Variants in WDPCP observed in about 807,000 individuals in gnomAD.
WDPCP encodes WD repeat-containing and planar cell polarity effector protein fritz homolog.
In WDPCP, 71 loss-of-function variants were observed where a neutral mutation model predicts 93.1. The ratio of observed to expected loss-of-function variants is 0.76; its 90% CI spans 0.63 to 0.93. The LOEUF (loss-of-function observed/expected upper bound fraction) is 0.93. WDPCP is among the 40% of genes least tolerant of loss of function. The pLI is 0.00. For synonymous variants in WDPCP, 315 were observed against 315.0 expected, an observed-to-expected ratio of 1.00 and a Z score of 0.00; for missense variants, 844 against 887.4, an observed-to-expected ratio of 0.95 and a Z score of 0.62.
intron 10 of WDPCP, among the ~76,000 whole-genome samples, chr2:63,399,664 A>G (rs114219206): frequency 0.011 from 1,740 of 152,010 alleles, 43 homozygotes; most frequent in African/African-American, 0.04. Flanking sequence ...GAGTGCATGC[A>G]TGTGTGTGTG....
At chr2:63,256,571 G>C (rs1681168582) in intron 14 of WDPCP, among the ~76,000 whole-genome samples, 1 of 141,676 alleles carries the variant, frequency 7.1e-6, no homozygotes, top group African/African-American at 2.8e-5. Context: ...TACGTCACAG[G>C]AGTTCAACTT....
chr2:63,572,701 CAAAAAAAAAA>C lies in WDPCP; in HGVS notation c.75+15486_75+15495del, dbSNP rs533331577. On this transcript the variant is annotated intron_variant, in intron 1 of 17. Coordinates refer to ENST00000272321, the MANE Select transcript of WDPCP (RefSeq NM_015910.7). ...TGGGTGACAGAGTGAGACTCTGTCT[CAAAAAAAAAA>C]AAAAAAAAAAAAAAAGTTGGACAGC... Among the ~76,000 whole-genome samples, 12 of 24,780 alleles carry C rather than the reference CAAAAAAAAAA, an allele frequency of 4.8e-4. No homozygotes were observed. The East Asian group carries it at 0.025, about 51-fold the overall frequency. 16.3% of individuals were successfully genotyped at this position (24,780 alleles called of 152,430 possible).
At chr2:63,763,239 C>T (rs1332142657) in intron 2 of WDPCP, among the ~76,000 whole-genome samples, 4 of 152,120 alleles carry the variant, frequency 2.6e-5, no homozygotes, top group African/African-American at 7.2e-5. Context: ...CACGGTGGCT[C>T]ATGCCTGTGA....
intron 8 of WDPCP, among the ~76,000 whole-genome samples, chr2:63,436,907 T>G (rs1038053027): frequency 7.2e-5 from 11 of 152,112 alleles, no homozygotes; most frequent in African/African-American, 1.2e-4. Flanking sequence ...GGTGAGATAC[T>G]AACACATGAA....
intron 3 of WDPCP, among the ~76,000 whole-genome samples, chr2:63,602,934 C>CTTTTGTTTTTTTTTTT (rs1709452776): frequency 2.3e-5 from 3 of 131,538 alleles, no homozygotes; most frequent in Non-Finnish European, 5.0e-5. Context: ...TTTAACCGTT[C>CTTTTGTTTTTTTTTTT]TTTTTTTTTT....
chr2:63,329,329 C>T (rs1191989255), intron 12 of WDPCP, among the ~76,000 whole-genome samples: 1 of 152,058 alleles, frequency 6.6e-6, no homozygotes, highest in East Asian at 1.9e-4. Flanking sequence ...AAAATGTGCT[C>T]CGGGTTCATC....
At chr2:63,258,336 A>G (rs1182370523) in intron 14 of WDPCP, among the ~76,000 whole-genome samples, 1 of 152,192 alleles carries the variant, frequency 6.6e-6, no homozygotes, top group Non-Finnish European at 1.5e-5. Context: ...TTATCTTGCT[A>G]GTACCTGTCA....
At chr2:63,702,950 CTA>C (rs1669085150) in intron 2 of WDPCP, among the ~76,000 whole-genome samples, 1 of 151,896 alleles carries the variant, frequency 6.6e-6, no homozygotes, top group Non-Finnish European at 1.5e-5. Flanking sequence ...CAATTCCCAC[CTA>C]TGAGTGAGAA....
At chr2:63,534,907 GA>G (rs968502563) in intron 1 of WDPCP, among the ~76,000 whole-genome samples, 1 of 152,194 alleles carries the variant, frequency 6.6e-6, no homozygotes, top group African/African-American at 2.4e-5. Flanking sequence ...ATTAGGAAAA[GA>G]GGAAGTCAAA....
chr2:63,254,362 C>T (rs916820516), intron 14 of WDPCP, among the ~76,000 whole-genome samples: 2 of 151,878 alleles, frequency 1.3e-5, no homozygotes, highest in African/African-American at 2.4e-5. Flanking sequence ...CACATATGCC[C>T]CCTGAAGCTA....
chr2:63,384,496 T>TAC (rs142552656), intron 10 of WDPCP, among the ~76,000 whole-genome samples: 18 of 151,146 alleles, frequency 1.2e-4, no homozygotes, highest in Non-Finnish European at 2.1e-4. Flanking sequence ...CCTTTACACA[T>TAC]ACACACACAC....
chr2:63,540,534 T>G (rs1436570415), intron 1 of WDPCP, among the ~76,000 whole-genome samples: 1 of 152,168 alleles, frequency 6.6e-6, no homozygotes, highest in Non-Finnish European at 1.5e-5. Context: ...CCTCTAAACC[T>G]TAAGACATAA....
At position 63,132,902 on chromosome 2, in the gene WDPCP, G is replaced by A. The variant is rs1029523253; in HGVS notation, c.2191-10846C>T. Among the ~76,000 whole-genome samples, 24 of 152,106 alleles carry A rather than the reference G, an allele frequency of 1.6e-4. 1 individual carries two copies. Among genetic ancestry groups the A allele is most frequent in the Middle Eastern group, 3.4e-3 (1 of 294 alleles). ...TTATTATTGAATGGTCCATGTTTCC[G>A]TTTCTTTTTATGCATTGTGATTTTG... is the stretch of plus-strand genomic sequence containing the variant. On this transcript the variant is annotated intron_variant, in intron 17 of 17. Coordinates refer to ENST00000272321, the MANE Select transcript of WDPCP (RefSeq NM_015910.7).
chr2:63,371,399 C>T (rs1691371977), intron 12 of WDPCP, among the ~76,000 whole-genome samples: 1 of 152,124 alleles, frequency 6.6e-6, no homozygotes, highest in Non-Finnish European at 1.5e-5. Context: ...GGACAATTCT[C>T]AACACAGGAT....
At chr2:63,261,168 C>A (rs79863471) in intron 13 of WDPCP, among the ~76,000 whole-genome samples, 2 of 111,746 alleles carry the variant, frequency 1.8e-5, no homozygotes, top group African/African-American at 6.1e-5. Context: ...CCTGCACTGT[C>A]GAAAGGTTTT....
chr2:63,772,922 A>G (rs1478059436), intron 2 of WDPCP, among the ~76,000 whole-genome samples: 1 of 152,014 alleles, frequency 6.6e-6, no homozygotes, highest in Non-Finnish European at 1.5e-5. Flanking sequence ...GTGATTCACT[A>G]TTTTTCTGAA....
intron 2 of WDPCP, among the ~76,000 whole-genome samples, chr2:63,706,342 T>A (rs1014465587): frequency 7.9e-5 from 12 of 152,206 alleles, no homozygotes; most frequent in Non-Finnish European, 1.8e-4. Flanking sequence ...GTCATTATGA[T>A]GTTAGCTGGT....
chr2:63,424,976 G>A (rs1447674231), intron 9 of WDPCP, among the ~76,000 whole-genome samples: 1 of 152,084 alleles, frequency 6.6e-6, no homozygotes, highest in Non-Finnish European at 1.5e-5. Flanking sequence ...CAAGAGCCAC[G>A]TGGCTAAGAA....
intron 17 of WDPCP, among the ~76,000 whole-genome samples, chr2:63,136,908 G>A (rs1313639130): frequency 6.6e-6 from 1 of 152,138 alleles, no homozygotes; most frequent in Non-Finnish European, 1.5e-5. Flanking sequence ...TTTCATGGCT[G>A]TATAGTATTC....
Sources: gnomAD v4.1 joint callset for allele counts (sites outside exome capture counted in the v4.1 genomes callset) on GRCh38, gnomAD v4.1.1 for gene constraint, MANE v1.5 for transcripts, NCBI Gene and HGNC (gene_info 2026-07-23, HGNC 2026-07-21) for gene names.